FBN1: variants seen among roughly 807,000 people sequenced by gnomAD.
The protein encoded by FBN1 is fibrillin-1.
A neutral mutation model predicts 365.1 loss-of-function variants in FBN1; 29 were observed. That is an observed-to-expected ratio of 0.08 (90% CI 0.06 to 0.11). FBN1 has a LOEUF of 0.11. Among genes scored for constraint, FBN1 ranks in the 10% least tolerant of loss-of-function variants. The pLI, the probability that FBN1 is intolerant of heterozygous loss-of-function variation, is 1.00. For synonymous variants in FBN1, 1,210 were observed against 1,270.5 expected (o/e 0.95, Z 1.01); for missense variants, 2,476 against 3,703.2 (o/e 0.67, Z 8.60).
chr15:48,428,209 G>T, intron 57 of FBN1, 137 bp downstream of exon 57: 1 of 1,104,246 alleles, frequency 9.1e-7, no homozygotes, highest in South Asian at 1.4e-5. Flanking sequence ...CAGTCATTAC[G>T]GCATCTCCAA....
At chr15:48,610,591 T>C in intron 4 of FBN1, 137 bp downstream of exon 4, 1 of 697,310 alleles carries the variant, frequency 1.4e-6, no homozygotes, top group African/African-American at 1.8e-5. Flanking sequence ...TTCCAAGTAT[T>C]TTGGGCAGAA....
intron 6 of FBN1, among the ~76,000 whole-genome samples, chr15:48,547,952 C>A (rs1418035154): frequency 6.6e-6 from 1 of 152,088 alleles, no homozygotes; most frequent in Admixed American, 6.5e-5. Context: ...ACTCAGAACA[C>A]GTGAGTGAAC....
At chr15:48,489,363 T>C (rs979950256) in intron 25 of FBN1, among the ~76,000 whole-genome samples, 4 of 152,112 alleles carry the variant, frequency 2.6e-5, no homozygotes, top group African/African-American at 9.7e-5. Context: ...ATCTCATTAA[T>C]ATAATTTAAA....
intron 46 of FBN1, among the ~76,000 whole-genome samples, chr15:48,448,455 G>T (rs971826344): frequency 5.3e-5 from 8 of 151,982 alleles, no homozygotes; most frequent in Non-Finnish European, 1.2e-4. Flanking sequence ...AAACTCAAAA[G>T]AAAATCCACA....
intron 6 of FBN1, among the ~76,000 whole-genome samples, chr15:48,554,417 GGA>G (rs2044164632): frequency 6.6e-6 from 1 of 152,102 alleles, no homozygotes; most frequent in South Asian, 2.1e-4. Flanking sequence ...GTGCAGTGTT[GGA>G]GTGTTGTTTG....
chr15:48,529,426 C>G (rs2043947852), intron 8 of FBN1: 1 of 152,376 alleles, frequency 6.6e-6, no homozygotes, highest in Middle Eastern at 3.1e-3. Flanking sequence ...CATGCCTAAG[C>G]CCCTTCATCC....
chr15:48,496,068 G>A, intron 20 of FBN1, 32 bp downstream of exon 20: 1 of 1,613,050 alleles, frequency 6.2e-7, no homozygotes, highest in Non-Finnish European at 8.5e-7. Context: ...AGATAGCAAA[G>A]TACACAGTAT....
chr15:48,508,520 A>G, intron 15 of FBN1, 62 bp downstream of exon 15: 1 of 1,609,782 alleles, frequency 6.2e-7, no homozygotes, highest in Non-Finnish European at 8.5e-7. Context: ...TAGTACCTCT[A>G]AACAACATAA....
chr15:48,450,208 G>T (rs1282736855), intron 45 of FBN1, among the ~76,000 whole-genome samples: 1 of 152,148 alleles, frequency 6.6e-6, no homozygotes, highest in African/African-American at 2.4e-5. Flanking sequence ...TCCTACCATA[G>T]TTGGCCCAAA....
chr15:48,468,252 A>G, intron 37 of FBN1, 150 bp from the exon 38 acceptor site: 1 of 1,348,268 alleles, frequency 7.4e-7, no homozygotes, highest in Non-Finnish European at 1.0e-6. Flanking sequence ...ACTACCGAGA[A>G]TTTTCCCTAT....
intron 2 of FBN1, among the ~76,000 whole-genome samples, chr15:48,621,697 T>C (rs772169140): frequency 2.0e-5 from 3 of 152,128 alleles, no homozygotes; most frequent in Non-Finnish European, 2.9e-5. Flanking sequence ...CATATCAATA[T>C]TGGTTCATTG....
rs767060377 is a variant in FBN1 at position 48,411,073 on chromosome 15, G to C, written c.8533C>G (p.Leu2845Val). The change falls in exon 66 of 66, where the codon CTA becomes GTA. Residue 2845 changes from leucine to valine, a missense_variant. Leu to Val is a conservative substitution (Grantham distance 32). Around this residue, in one of 5 missense-constraint regions of FBN1, gnomAD observed 177 missense variants for 192.7 expected, o/e 0.92. Coordinates refer to ENST00000316623, the MANE Select transcript of FBN1 (RefSeq NM_000138.5). The stretch of plus-strand genomic sequence containing the variant: ...TAGTCTTTGTCATATTTGTCTTCTA[G>C]TTGGTTAAGTTCTTTCTTTTTATAA... Reference protein sequence around the residue: ...PLYKKKELNQLEDKYDKDYLS... With the variant: ...PLYKKKELNQVEDKYDKDYLS... The C allele has an allele frequency of 6.2e-7, 1 of 1,613,772 alleles. No individual in the cohort carries two copies. Among genetic ancestry groups the C allele is most frequent in the Non-Finnish European group, 8.5e-7 (1 of 1,179,912 alleles).
chr15:48,572,173 T>C (rs983943387), intron 6 of FBN1, among the ~76,000 whole-genome samples: 5 of 152,182 alleles, frequency 3.3e-5, no homozygotes, highest in African/African-American at 4.8e-5. Flanking sequence ...TCACATTATC[T>C]ATTATGAATA....
chr15:48,495,044 T>C (rs2043592848), intron 22 of FBN1, 79 bp downstream of exon 22: 1 of 1,543,822 alleles, frequency 6.5e-7, no homozygotes, highest in Non-Finnish European at 8.9e-7. Context: ...TGAGCCTAGA[T>C]AAATGAAATA....
At chr15:48,513,812 A>G in intron 12 of FBN1, 144 bp from the exon 13 acceptor site, 2 of 921,914 alleles carry the variant, frequency 2.2e-6, no homozygotes, top group Non-Finnish European at 3.3e-6. Flanking sequence ...TCTTTCCACT[A>G]CAATATGTCA....
At chr15:48,644,238 A>C (rs1239192914) in intron 2 of FBN1, 4 of 234,894 alleles carry the variant, frequency 1.7e-5, no homozygotes, top group Non-Finnish European at 2.5e-5. Flanking sequence ...GATGACCCCA[A>C]GGAAAGTACT....
At chr15:48,564,845 T>C (rs2044248251) in intron 6 of FBN1, among the ~76,000 whole-genome samples, 1 of 152,060 alleles carries the variant, frequency 6.6e-6, no homozygotes, top group South Asian at 2.1e-4. Context: ...GAATGTCACC[T>C]GGGTATCTGG....
intron 40 of FBN1, among the ~76,000 whole-genome samples, chr15:48,464,894 C>T (rs1021922468): frequency 2.0e-5 from 3 of 152,152 alleles, no homozygotes; most frequent in African/African-American, 7.2e-5. Flanking sequence ...TGATGTTCAA[C>T]TAATACTCAA....
rs774104217 is a variant in FBN1 at position 48,520,827 on chromosome 15, A to G, written c.989-10T>C. On this transcript the variant is annotated splice_polypyrimidine_tract_variant and intron_variant, in intron 9 of 65. Coordinates refer to ENST00000316623, the MANE Select transcript of FBN1 (RefSeq NM_000138.5). ...TATCCTGGGCGAACATCTGAGGACA[A>G]AGAAACACATACACACACACACATC... 4 of 1,614,004 alleles carry G rather than the reference A, an allele frequency of 2.5e-6. No individual in the cohort carries two copies. Among genetic ancestry groups the G allele is most frequent in the African/African-American group, 2.7e-5 (2 of 74,916 alleles).
Sources: allele counts gnomAD v4.1 joint callset (sites outside exome capture counted in the v4.1 genomes callset), GRCh38; gene constraint gnomAD v4.1.1; regional missense constraint gnomAD v4.1.1; transcripts MANE v1.5; gene names NCBI Gene and HGNC (gene_info 2026-07-23, HGNC 2026-07-21).